MAL2: variants seen among roughly 807,000 people sequenced by gnomAD.
MAL2 encodes the protein protein MAL2.
In MAL2, 17 loss-of-function variants were observed where a neutral mutation model predicts 18.1. The ratio of observed to expected loss-of-function variants is 0.94; its 90% CI spans 0.64 to 1.41. The LOEUF is 1.41. Among genes scored for constraint, MAL2 ranks in the 40% most tolerant of loss-of-function variants. The pLI, the probability that MAL2 is intolerant of heterozygous loss-of-function variation, is 0.00. For missense variants in MAL2, 222 were observed against 231.9 expected, an observed-to-expected ratio of 0.96 and a Z score of 0.28; for synonymous variants, 102 against 102.3, an observed-to-expected ratio of 1.00 and a Z score of 0.02.
intron 2 of MAL2, among the ~76,000 whole-genome samples, chr8:119,231,328 A>G (rs1248771799): frequency 2.0e-5 from 3 of 152,216 alleles, no homozygotes; most frequent in African/African-American, 2.4e-5. Context: ...CACTGTGCCC[A>G]GCCAGATATG....
intron 3 of MAL2, 124 bp downstream of exon 3, chr8:119,240,444 T>C: frequency 1.0e-6 from 1 of 979,436 alleles, no homozygotes; most frequent in Non-Finnish European, 1.5e-6. Context: ...AAATATGTAA[T>C]AGCTATTTAT....
chr8:119,208,869 A>C lies in MAL2; in HGVS notation c.132+265A>C. ...GCGAGTAGGCGGCCCGGCAGGGCCG[A>C]ACATTGGGGACGTGGAGGAAAGAAA... On this transcript the variant is annotated intron_variant, in intron 1 of 3. Transcript: ENST00000614891. The surrounding 1 kb of genome is among the most constrained non-coding windows in gnomAD (Gnocchi z 4.3). 3.0e-6 allele frequency: 1 copy of C among 337,976 alleles called. No individual in the cohort carries two copies. 20.9% of individuals were successfully genotyped at this position (337,976 alleles called of 1,614,324 possible). A position where few individuals can be genotyped will look rare whatever the true frequency, so the allele number is the denominator to read the frequency against.
At chr8:119,209,574 G>A (rs77946807) in intron 1 of MAL2, among the ~76,000 whole-genome samples, 27 of 152,180 alleles carry the variant, frequency 1.8e-4, no homozygotes, top group African/African-American at 5.3e-4. Context: ...GTGCCTTTCC[G>A]GCAGGCTGGT....
chr8:119,223,858 G>GTTT (rs1817524017), intron 2 of MAL2: 1 of 151,666 alleles, frequency 6.6e-6, no homozygotes, highest in African/African-American at 2.4e-5. Flanking sequence ...CTTTTGATAG[G>GTTT]TTTGGTAACA....
At chr8:119,234,986 A>C (rs1459078130) in intron 2 of MAL2, among the ~76,000 whole-genome samples, 3 of 152,098 alleles carry the variant, frequency 2.0e-5, no homozygotes, top group Non-Finnish European at 2.9e-5. Context: ...TGAGAGAAGA[A>C]GGCTTCAGAC....
chr8:119,235,406 T>C (rs530691939), intron 2 of MAL2, among the ~76,000 whole-genome samples: 2 of 152,156 alleles, frequency 1.3e-5, no homozygotes, highest in East Asian at 1.9e-4. Flanking sequence ...TTCCCCAATC[T>C]AGCAAGGCAG....
chr8:119,234,263 C>G (rs949806289), intron 2 of MAL2, among the ~76,000 whole-genome samples: 1 of 152,136 alleles, frequency 6.6e-6, no homozygotes, highest in East Asian at 1.9e-4. Context: ...GCTTAAAAAA[C>G]GGCGCACCAC....
In MAL2 at chr8:119,234,622, A is replaced by G. The variant is rs560782000; in HGVS notation, c.304-5543A>G. On this transcript the variant is annotated intron_variant, in intron 2 of 3. Coordinates refer to ENST00000614891, the MANE Select transcript of MAL2 (RefSeq NM_052886.3). Reference sequence around the variant, plus strand: ...TGCAGCTGAACATCTGAGACCTGGCAGACTGCCTCCTCAAGTGGGTCCCTG... The same window carrying G: ...TGCAGCTGAACATCTGAGACCTGGCGGACTGCCTCCTCAAGTGGGTCCCTG... Among the ~76,000 whole-genome samples the G allele has an allele frequency of 6.1e-4, 93 of 152,082 alleles. No homozygotes were observed. The Middle Eastern group carries it at 0.02, about 33-fold the overall frequency.
At chr8:119,228,753 C>G (rs375055730) in intron 2 of MAL2, among the ~76,000 whole-genome samples, 2 of 152,092 alleles carry the variant, frequency 1.3e-5, no homozygotes, top group Non-Finnish European at 2.9e-5. Flanking sequence ...CATAAATCCT[C>G]GATGCCCTAG....
At chr8:119,215,794 T>G (rs557941084) in intron 1 of MAL2, among the ~76,000 whole-genome samples, 1 of 152,104 alleles carries the variant, frequency 6.6e-6, no homozygotes, top group African/African-American at 2.4e-5. Context: ...ACAGGGAAGA[T>G]GATGAGCTTG....
intron 2 of MAL2, chr8:119,223,348 G>A (rs1446744753): frequency 2.6e-5 from 4 of 151,914 alleles, no homozygotes; most frequent in Admixed American, 6.5e-5. Flanking sequence ...GTGTAGCCTC[G>A]GGCACAATTA....
At chr8:119,211,696 A>AT (rs370258084) in intron 1 of MAL2, among the ~76,000 whole-genome samples, 60,553 of 135,448 alleles carry the variant, frequency 0.45, 14,715 homozygotes, top group Non-Finnish European at 0.55. Flanking sequence ...GTGCATAGTG[A>AT]TTTTTTTTTT....
At chr8:119,238,516 C>T (rs1817964468) in intron 2 of MAL2, among the ~76,000 whole-genome samples, 1 of 151,232 alleles carries the variant, frequency 6.6e-6, no homozygotes, top group African/African-American at 2.4e-5. Context: ...CACTACCTGA[C>T]TTCAAACTAT....
chr8:119,227,812 C>T (rs772808665), intron 2 of MAL2, among the ~76,000 whole-genome samples: 48 of 152,134 alleles, frequency 3.2e-4, no homozygotes, highest in Admixed American at 1.8e-3. Flanking sequence ...CATGACATCT[C>T]CGTTCACTGG....
chr8:119,240,157 T>G lies in MAL2; in HGVS notation c.304-8T>G, dbSNP rs778730631. The G allele has an allele frequency of 3.1e-6, 5 of 1,611,964 alleles. No homozygotes were observed. The African/African-American group carries it at 6.7e-5, about 22-fold the overall frequency. ...TTAATTGCAGATGTCTTTTCTCTCC[T>G]CTTTTAGGATTTTGCCTACCATTTT... On this transcript the variant is annotated splice_polypyrimidine_tract_variant and splice_region_variant and intron_variant, in intron 2 of 3. Transcript: ENST00000614891.
At chr8:119,222,501 A>G (rs1241840507) in intron 2 of MAL2, among the ~76,000 whole-genome samples, 1 of 150,662 alleles carries the variant, frequency 6.6e-6, no homozygotes, top group East Asian at 1.9e-4. Flanking sequence ...AGCCTGGGTG[A>G]CAGAGCAAGA....
At chr8:119,231,105 C>G (rs933329166) in intron 2 of MAL2, among the ~76,000 whole-genome samples, 1 of 152,060 alleles carries the variant, frequency 6.6e-6, no homozygotes, top group Admixed American at 6.5e-5. Flanking sequence ...AGTCTTGGCT[C>G]ACTGCAAGCT....
At chr8:119,209,036 G>C (rs1817230261) in intron 1 of MAL2, 1 of 156,950 alleles carries the variant, frequency 6.4e-6, no homozygotes, top group African/African-American at 2.4e-5. Flanking sequence ...GCCGATGACT[G>C]GGTGACCTGG....
intron 1 of MAL2, among the ~76,000 whole-genome samples, chr8:119,213,554 C>T (rs1409177300): frequency 6.6e-6 from 1 of 152,166 alleles, no homozygotes; most frequent in Non-Finnish European, 1.5e-5. Flanking sequence ...TGCAGTGGCT[C>T]ATGCCTGTAA....
Sources: allele counts gnomAD v4.1 joint callset (sites outside exome capture counted in the v4.1 genomes callset), GRCh38; gene constraint gnomAD v4.1.1; non-coding constraint Gnocchi (gnomAD v3.1); transcripts MANE v1.5; gene names NCBI Gene and HGNC (gene_info 2026-07-23, HGNC 2026-07-21).